Variants in BTG3 observed in about 807,000 individuals in gnomAD.
The protein encoded by BTG3 is BTG anti-proliferation factor 3.
A neutral mutation model predicts 25.8 loss-of-function variants in BTG3; 4 were observed. The observed-to-expected ratio is 0.16, with a 90% CI of 0.08 to 0.36. BTG3 has a LOEUF of 0.36. Among genes scored for constraint, BTG3 ranks in the 10% least tolerant of loss-of-function variants. BTG3 has a pLI of 1.00. For missense variants in BTG3, 201 were observed against 304.9 expected, an observed-to-expected ratio of 0.66 and a Z score of 2.54; for synonymous variants, 107 against 99.9, an observed-to-expected ratio of 1.07 and a Z score of -0.42.
intron 2 of BTG3, among the ~76,000 whole-genome samples, chr21:17,608,496 G>T (rs560725488): frequency 5.9e-5 from 9 of 151,460 alleles, no homozygotes; most frequent in African/African-American, 2.2e-4. Flanking sequence ...ATATAAATGA[G>T]ATTATTCTTG....
At position 17,596,166 on chromosome 21, in the gene BTG3, A is replaced by T. The variant is rs896266474; in HGVS notation, c.520-1834T>A. Among the ~76,000 whole-genome samples the T allele has an allele frequency of 1.7e-4, 26 of 152,034 alleles. 1 individual carries two copies. Among genetic ancestry groups the T allele is most frequent in the African/African-American group, 4.3e-4 (18 of 41,524 alleles). ...TTACTAGTGATTTGTGAGCGATTTTAAAAAAAGTATATTCTGGAAATAAGT... is the reference window on the plus strand; with the variant it reads ...TTACTAGTGATTTGTGAGCGATTTTTAAAAAAGTATATTCTGGAAATAAGT... On this transcript the variant is annotated intron_variant, in intron 4 of 4. Coordinates refer to ENST00000348354, the MANE Select transcript of BTG3 (RefSeq NM_006806.5).
At chr21:17,607,960 C>T (rs2061666972) in intron 2 of BTG3, among the ~76,000 whole-genome samples, 1 of 152,168 alleles carries the variant, frequency 6.6e-6, no homozygotes, top group Non-Finnish European at 1.5e-5. Flanking sequence ...CAGCAGAGTA[C>T]AAAAGACAGC....
intron 3 of BTG3, among the ~76,000 whole-genome samples, chr21:17,600,836 C>T (rs1467019081): frequency 6.6e-6 from 1 of 152,106 alleles, no homozygotes; most frequent in Non-Finnish European, 1.5e-5. Flanking sequence ...TACATAACTT[C>T]GCTTTTGTAT....
chr21:17,599,321 C>T (rs1259790911), intron 3 of BTG3, among the ~76,000 whole-genome samples: 1 of 151,860 alleles, frequency 6.6e-6, no homozygotes, highest in Non-Finnish European at 1.5e-5. Context: ...GCTGGGACTA[C>T]AGGAGTGTAC....
At chr21:17,597,203 T>G (rs2123431414) in intron 4 of BTG3, among the ~76,000 whole-genome samples, 1 of 152,188 alleles carries the variant, frequency 6.6e-6, no homozygotes. Flanking sequence ...CAATTTAATT[T>G]TAAAAGAAAT....
At chr21:17,610,248 A>G (rs2037119827) in intron 1 of BTG3, among the ~76,000 whole-genome samples, 1 of 152,226 alleles carries the variant, frequency 6.6e-6, no homozygotes, top group South Asian at 2.1e-4. Context: ...AAATTTCACT[A>G]TAGTAATGGT....
chr21:17,610,442 GATCT>G (rs1233669910), intron 1 of BTG3, among the ~76,000 whole-genome samples: 2 of 152,156 alleles, frequency 1.3e-5, no homozygotes, highest in South Asian at 2.1e-4. Context: ...AAAACTAGTG[GATCT>G]ATCAGGACAT....
chr21:17,611,693 G>A (rs907369070), intron 1 of BTG3: 2 of 152,170 alleles, frequency 1.3e-5, no homozygotes, highest in African/African-American at 4.8e-5. Context: ...AATATCGCAC[G>A]GTGACGTCAT....
intron 2 of BTG3, chr21:17,608,688 G>C (rs1056419880): frequency 1.3e-5 from 4 of 318,436 alleles, no homozygotes; most frequent in Non-Finnish European, 2.3e-5. Context: ...CTAAGTATTT[G>C]TGATAAACAG....
intron 4 of BTG3, among the ~76,000 whole-genome samples, chr21:17,595,642 G>T (rs1332463949): frequency 6.6e-6 from 1 of 151,550 alleles, no homozygotes; most frequent in African/African-American, 2.4e-5. Flanking sequence ...AAATTAAATG[G>T]TCTCCTAGTA....
intron 3 of BTG3, 142 bp downstream of exon 3, chr21:17,604,718 G>C (rs2061617431): frequency 3.7e-6 from 4 of 1,067,048 alleles, no homozygotes; most frequent in African/African-American, 1.6e-5. Context: ...CTCCAGAAAA[G>C]TATTTCATAA....
chr21:17,603,488 A>C (rs921257232), intron 3 of BTG3, among the ~76,000 whole-genome samples: 15 of 152,186 alleles, frequency 9.9e-5, no homozygotes, highest in Non-Finnish European at 1.9e-4. Context: ...ATGGAAGAAT[A>C]ATCATGTAAT....
intron 3 of BTG3, among the ~76,000 whole-genome samples, chr21:17,600,698 A>G (rs1389826406): frequency 1.3e-5 from 2 of 152,084 alleles, no homozygotes; most frequent in African/African-American, 4.8e-5. Context: ...AAAAAACAGA[A>G]AAGAAAATGT....
chr21:17,598,583 C>A (rs768408571), intron 4 of BTG3, 34 bp downstream of exon 4: 4 of 1,581,404 alleles, frequency 2.5e-6, no homozygotes, highest in Admixed American at 1.7e-5. Flanking sequence ...AATCCCTGCA[C>A]ATCCCTTTAA....
At chr21:17,609,364 T>G (rs1442209499) in intron 1 of BTG3, among the ~76,000 whole-genome samples, 2 of 152,160 alleles carry the variant, frequency 1.3e-5, no homozygotes, top group East Asian at 3.8e-4. Context: ...TCTTATCACT[T>G]AGCTTCATGA....
chr21:17,610,488 GA>G (rs1239922490), intron 1 of BTG3, among the ~76,000 whole-genome samples: 2 of 152,182 alleles, frequency 1.3e-5, no homozygotes, highest in Non-Finnish European at 2.9e-5. Context: ...GTCACCCGCA[GA>G]AAAACAAACT....
At chr21:17,608,483 A>G (rs2061676476) in intron 2 of BTG3, among the ~76,000 whole-genome samples, 4 of 152,252 alleles carry the variant, frequency 2.6e-5, no homozygotes, top group South Asian at 2.1e-4. Context: ...TTCTACCACA[A>G]ATATATAAAT....
At chr21:17,607,563 CTT>C (rs1454624650) in intron 2 of BTG3, among the ~76,000 whole-genome samples, 3 of 152,198 alleles carry the variant, frequency 2.0e-5, no homozygotes, top group African/African-American at 7.2e-5. Context: ...CACAAGCTCA[CTT>C]GACTTTCAGT....
intron 3 of BTG3, among the ~76,000 whole-genome samples, chr21:17,600,485 T>C (rs2123448361): frequency 6.6e-6 from 1 of 152,308 alleles, no homozygotes. Context: ...AGAATGGTTA[T>C]CTATTATAAA....
Sources: allele counts gnomAD v4.1 joint callset (sites outside exome capture counted in the v4.1 genomes callset), GRCh38; gene constraint gnomAD v4.1.1; transcripts MANE v1.5; gene names NCBI Gene and HGNC (gene_info 2026-07-23, HGNC 2026-07-21).